Variants in MAST1 observed in about 807,000 individuals in gnomAD.
The protein encoded by MAST1 is microtubule-associated serine/threonine-protein kinase 1.
In MAST1, 40 loss-of-function variants were observed where a neutral mutation model predicts 124.6. That is an observed-to-expected ratio of 0.32 (90% confidence interval 0.25 to 0.42). The LOEUF (loss-of-function observed/expected upper bound fraction) is 0.42, where lower values mean the gene tolerates loss of function less well. Ranked by LOEUF, MAST1 falls within the 10% of genes least tolerant of loss-of-function variation. MAST1 has a pLI of 1.00. For synonymous variants in MAST1, 938 were observed against 939.4 expected (o/e 1.00, Z 0.03); for missense variants, 1,558 against 2,181.9 (o/e 0.71, Z 5.70).
chr19:12,841,961 C>T lies in MAST1; in HGVS notation c.248+895C>T, dbSNP rs763389232. Among the ~76,000 whole-genome samples the T allele has an allele frequency of 1.3e-5, 2 of 152,002 alleles. No individual in the cohort carries two copies. Among genetic ancestry groups the T allele is most frequent in the Non-Finnish European group, 2.9e-5 (2 of 68,008 alleles). Reference sequence around the variant, plus strand: ...TTATCCGCAAGCGGGGAGGACTGAGCGAGGGGACTGCTGGGAGGAAGAAGG... The same window carrying T: ...TTATCCGCAAGCGGGGAGGACTGAGTGAGGGGACTGCTGGGAGGAAGAAGG... On this transcript the variant is annotated intron_variant, in intron 3 of 25. Coordinates refer to ENST00000251472, the MANE Select transcript of MAST1 (RefSeq NM_014975.3). The surrounding 1 kb of genome is among the most constrained non-coding windows in gnomAD (Gnocchi z 4.3).
rs1393580644 is a variant in MAST1 at position 12,865,674 on chromosome 19, A to T, written c.1805-43A>T. 1.3e-6 allele frequency: 2 copies of T among 1,546,770 alleles called. No homozygotes were observed. Among genetic ancestry groups the T allele is most frequent in the South Asian group, 2.3e-5 (2 of 85,454 alleles). On this transcript the variant is annotated intron_variant, in intron 15 of 25. Transcript: ENST00000251472. The surrounding 1 kb of genome is among the most constrained non-coding windows in gnomAD (Gnocchi z 7.1). ...CAGTGAGATCCTGTGTCCAAACAAC[A>T]ACAACAACAAAAACCGCCCCTAAGT...
intron 1 of MAST1, among the ~76,000 whole-genome samples, chr19:12,839,895 G>C (rs1168997719): frequency 1.3e-5 from 2 of 152,056 alleles, no homozygotes; most frequent in Non-Finnish European, 2.9e-5. Flanking sequence ...GCGACAGAGC[G>C]AGACATTGAT....
chr19:12,861,390 G>A (rs553925842), intron 12 of MAST1, among the ~76,000 whole-genome samples: 2 of 152,306 alleles, frequency 1.3e-5, no homozygotes, highest in Admixed American at 1.3e-4. Flanking sequence ...AGGACATGAG[G>A]TCCATGAGGC....
Position 12,847,739 on chromosome 19 carries a change from G to T in MAST1, c.564+52G>T. The T allele has an allele frequency of 2.5e-6, 4 of 1,599,498 alleles. No homozygotes were observed. The highest frequency in any genetic ancestry group is 3.4e-6 in the Non-Finnish European group (4 of 1,170,586). On this transcript the variant is annotated intron_variant, in intron 6 of 25. Coordinates refer to ENST00000251472, the MANE Select transcript of MAST1 (RefSeq NM_014975.3). The surrounding 1 kb of genome is among the most constrained non-coding windows in gnomAD (Gnocchi z 5.5). ...GGGTGACCAGGCGGCCTGCACTCTC[G>T]CTCGCCTTATCCCCGCGCGCCCCCT... is the stretch of plus-strand genomic sequence containing the variant.
At chr19:12,860,198 T>G (rs1011690151) in intron 12 of MAST1, among the ~76,000 whole-genome samples, 3 of 152,028 alleles carry the variant, frequency 2.0e-5, no homozygotes, top group Non-Finnish European at 4.4e-5. Context: ...CACTGCAAGC[T>G]CCACCTCCTA....
rs1969851984 is a variant in MAST1, at chr19:12,843,142, G to T, written c.249-387G>T. 6.6e-6 allele frequency among the ~76,000 whole-genome samples: 1 copy of T among 152,136 alleles called. No individual in the cohort carries two copies. Among genetic ancestry groups the T allele is most frequent in the Non-Finnish European group, 1.5e-5 (1 of 68,022 alleles). On this transcript the variant is annotated intron_variant, in intron 3 of 25. Coordinates refer to ENST00000251472, the MANE Select transcript of MAST1 (RefSeq NM_014975.3). This position sits in a 1 kb window ranked among gnomAD's most constrained non-coding sequence, Gnocchi z 4.9. ...ATTCTATGTCAGAACATGTTGGGGG[G>T]TGGGACGGGTCTTTTTTCTCTGAGA...
chr19:12,840,653 T>C (rs1969814142), intron 2 of MAST1, 119 bp downstream of exon 2: 2 of 747,944 alleles, frequency 2.7e-6, no homozygotes, highest in Non-Finnish European at 4.7e-6. Context: ...CGAACCAGTT[T>C]GGATAAGGGG....
At chr19:12,861,680 CTCTTTCTTTCTTTCTTTCTT>C (rs3064403) in intron 12 of MAST1, among the ~76,000 whole-genome samples, 9 of 143,450 alleles carry the variant, frequency 6.3e-5, no homozygotes, top group African/African-American at 1.1e-4. Context: ...TTCTTTTTCT[CTCTTTCTTTCTTTCTTTCTT>C]TCTTTCTTTC....
chr19:12,857,415 C>CTT (rs775653221), intron 10 of MAST1, among the ~76,000 whole-genome samples: 4 of 140,310 alleles, frequency 2.9e-5, no homozygotes, highest in East Asian at 4.2e-4. Flanking sequence ...GGCCAAGAAT[C>CTT]TTTTTTTTTT....
chr19:12,848,065 C>A lies in MAST1; in HGVS notation c.774+8C>A, dbSNP rs929897722. The A allele has an allele frequency of 1.9e-6, 3 of 1,611,616 alleles. No individual in the cohort carries two copies. The highest frequency in any genetic ancestry group is 1.7e-5 in the Admixed American group (1 of 59,818). On this transcript the variant is annotated splice_region_variant and intron_variant, in intron 7 of 25. Coordinates refer to ENST00000251472, the MANE Select transcript of MAST1 (RefSeq NM_014975.3). ...GAGAAGCTCCTTCAAGACGTGAGTGCACGCGGAGGCCGGGCTGATCTCAGG... is the reference window on the plus strand; with the variant it reads ...GAGAAGCTCCTTCAAGACGTGAGTGAACGCGGAGGCCGGGCTGATCTCAGG...
chr19:12,869,168 C>G lies in MAST1; in HGVS notation c.2876C>G (p.Pro959Arg). ...RDSSPSRDYS[P>R]AVSGLRSPIT... is the part of the protein sequence containing the mutation. Reference sequence around the variant, plus strand: ...TCCTCACCCAGCCGGGACTACTCACCAGCTGTCAGTGGGCTCCGCTCCCCC... The same window carrying G: ...TCCTCACCCAGCCGGGACTACTCACGAGCTGTCAGTGGGCTCCGCTCCCCC... Residue 959 changes from proline to arginine, a missense_variant, in exon 22 of 26, where the codon CCA becomes CGA. Pro to Arg is a moderately radical substitution (Grantham distance 103). Around this residue, in one of 10 missense-constraint regions of MAST1, gnomAD observed 291 missense variants for 475.8 expected, o/e 0.61. Coordinates refer to ENST00000251472, the MANE Select transcript of MAST1 (RefSeq NM_014975.3). 1.2e-6 allele frequency: 2 copies of G among 1,614,228 alleles called. No individual in the cohort carries two copies. Among genetic ancestry groups the G allele is most frequent in the Non-Finnish European group, 1.7e-6 (2 of 1,180,050 alleles).
At chr19:12,861,260 C>T (rs928101783) in intron 12 of MAST1, among the ~76,000 whole-genome samples, 4 of 151,866 alleles carry the variant, frequency 2.6e-5, no homozygotes, top group Non-Finnish European at 5.9e-5. Flanking sequence ...ACAGGGGTTT[C>T]ACCAGGTTGG....
At chr19:12,868,583 C>T (rs1970192409) in intron 20 of MAST1, 60 bp from the exon 21 acceptor site, 1 of 1,410,604 alleles carries the variant, frequency 7.1e-7, no homozygotes, top group East Asian at 2.3e-5. Flanking sequence ...GGCAGGGAAA[C>T]AGTATGTGGG....
intron 12 of MAST1, among the ~76,000 whole-genome samples, chr19:12,860,175 C>T (rs531258638): frequency 8.8e-4 from 133 of 151,916 alleles, no homozygotes; most frequent in Non-Finnish European, 1.8e-3. Flanking sequence ...AGTGCAGTGG[C>T]GCAATCTCAG....
chr19:12,873,463 C>T lies in MAST1; in HGVS notation c.3403C>T (p.Arg1135Cys). 1 of 1,610,126 alleles carries T rather than the reference C, an allele frequency of 6.2e-7. No individual in the cohort carries two copies. The highest frequency in any genetic ancestry group is 8.5e-7 in the Non-Finnish European group (1 of 1,179,654). Residue 1135 changes from arginine (R) to cysteine (C), a missense_variant, in exon 25 of 26, where the codon CGC (arginine) becomes TGC (cysteine). Transcript: ENST00000251472. ...PGSPTHGLPA[R>C]SPTHSYRSTP... ...CTCGCCTACGCACGGGCTGCCGGCG[C>T]GCTCGCCCACGCACAGCTACCGCTC...
intron 2 of MAST1, 149 bp from the exon 3 acceptor site, chr19:12,840,842 A>G (rs1969817489): frequency 1.3e-6 from 1 of 769,208 alleles, no homozygotes; most frequent in South Asian, 1.4e-5. Context: ...CTCGGCAACG[A>G]AAAAATTTAG....
Position 12,874,389 on chromosome 19 carries a change from C to T in MAST1, c.4232C>T (p.Ala1411Val), listed in dbSNP as rs1207222757. The T allele has an allele frequency of 1.3e-6, 2 of 1,598,500 alleles. No homozygotes were observed. The highest frequency in any genetic ancestry group is 1.1e-5 in the South Asian group (1 of 90,974). The change falls in exon 26 of 26, where the codon GCG becomes GTG. Residue 1411 changes from alanine (A) to valine (V), a missense_variant. By Grantham distance (64) the Ala-to-Val change is moderately conservative (BLOSUM62 0). This residue lies in a region of MAST1 where 263 missense variants were observed against 310.9 expected (regional missense o/e 0.85). Coordinates refer to ENST00000251472, the MANE Select transcript of MAST1 (RefSeq NM_014975.3). The surrounding 1 kb of genome is among the most constrained non-coding windows in gnomAD (Gnocchi z 6.6). ...GGMARAVAKA[A>V]LSPVQEHETG... ...ATGGCCAGGGCTGTGGCCAAGGCGGCGCTGAGCCCGGTGCAGGAACACGAG... is the reference window on the plus strand; with the variant it reads ...ATGGCCAGGGCTGTGGCCAAGGCGGTGCTGAGCCCGGTGCAGGAACACGAG...
intron 22 of MAST1, among the ~76,000 whole-genome samples, chr19:12,870,006 C>A (rs1162546512): frequency 6.7e-6 from 1 of 148,224 alleles, no homozygotes; most frequent in Non-Finnish European, 1.5e-5. Flanking sequence ...ATGGTGAAAC[C>A]CCCTCTCTAC....
rs530680055 is a variant in MAST1 at position 12,863,412 on chromosome 19, G to A, written c.1367-1397G>A. Among the ~76,000 whole-genome samples the A allele has an allele frequency of 9.2e-5, 14 of 152,066 alleles. 1 individual carries two copies. In the South Asian group the frequency reaches 2.5e-3, roughly 27 times the overall value. ...GAGTTTCTGAAACCAGCAAAATCTC[G>A]CAGAAAAGAGAACAGAAAAAAGAAA... is the stretch of plus-strand genomic sequence containing the variant. On this transcript the variant is annotated intron_variant, in intron 12 of 25. Transcript: ENST00000251472.
Sources: gnomAD v4.1 joint callset for allele counts (sites outside exome capture counted in the v4.1 genomes callset) on GRCh38, gnomAD v4.1.1 for gene constraint, gnomAD v4.1.1 regional missense constraint, Gnocchi (gnomAD v3.1) non-coding constraint, MANE v1.5 for transcripts, NCBI Gene and HGNC (gene_info 2026-07-23, HGNC 2026-07-21) for gene names.